Variants in UQCRC2 observed in about 807,000 individuals in gnomAD.
UQCRC2 encodes the protein cytochrome b-c1 complex subunit 2, mitochondrial.
In UQCRC2, 49 loss-of-function variants were observed where a neutral mutation model predicts 55.6. The ratio of observed to expected loss-of-function variants is 0.88; its 90% CI spans 0.70 to 1.12. The LOEUF (loss-of-function observed/expected upper bound fraction) is 1.12, where lower values mean the gene tolerates loss of function less well. Ranked by LOEUF, UQCRC2 falls within the 50% of genes most tolerant of loss-of-function variation. The pLI is 0.00. For missense variants in UQCRC2, 506 were observed against 547.8 expected (o/e 0.92, Z 0.76); for synonymous variants, 193 against 192.0 (o/e 1.01, Z -0.04).
At chr16:21,971,798 T>G (rs988899747) in intron 9 of UQCRC2, 125 bp from the exon 10 acceptor site, 2 of 1,403,674 alleles carry the variant, frequency 1.4e-6, no homozygotes, top group Admixed American at 3.6e-5. Context: ...CAGGATGGCA[T>G]GGGGAAAGCA....
chr16:21,977,628 G>T lies in UQCRC2; in HGVS notation c.1124+1385G>T, dbSNP rs118000330. 6.5e-3 allele frequency among the ~76,000 whole-genome samples: 991 copies of T among 152,308 alleles called. 28 individuals are homozygous for T. Among genetic ancestry groups the T allele is most frequent in the East Asian group, 0.022 (114 of 5,188 alleles). On this transcript the variant is annotated intron_variant, in intron 12 of 13. Transcript: ENST00000268379. ...TTCGAGGGTTTCTCTAAAAGAGACAGACTTGGGACAAAGTTGGAAATCAAC... is the reference window on the plus strand; with the variant it reads ...TTCGAGGGTTTCTCTAAAAGAGACATACTTGGGACAAAGTTGGAAATCAAC...
intron 4 of UQCRC2, among the ~76,000 whole-genome samples, chr16:21,961,626 T>TTA (rs67999727): frequency 0.053 from 3,353 of 63,826 alleles, 212 homozygotes; most frequent in Non-Finnish European, 0.1. Flanking sequence ...AACATAAAAT[T>TTA]TATATATATA....
intron 6 of UQCRC2, among the ~76,000 whole-genome samples, chr16:21,964,161 G>A (rs545154908): frequency 6.6e-6 from 1 of 152,186 alleles, no homozygotes; most frequent in East Asian, 1.9e-4. Flanking sequence ...GATGATGCTT[G>A]GTGTCACAGA....
chr16:21,966,185 C>CAT (rs1898322676), intron 7 of UQCRC2, among the ~76,000 whole-genome samples: 1 of 151,612 alleles, frequency 6.6e-6, no homozygotes, highest in African/African-American at 2.4e-5. Context: ...TGTGTGTATA[C>CAT]ATATATATAA....
chr16:21,961,664 A>ATATATATATG (rs1261737606), intron 4 of UQCRC2, among the ~76,000 whole-genome samples: 68 of 103,972 alleles, frequency 6.5e-4, no homozygotes, highest in Non-Finnish European at 9.6e-4. Context: ...ATATATATAT[A>ATATATATATG]TATATTTTAG....
rs2141941772 is a variant in UQCRC2, at chr16:21,972,127, G to A, written c.966+5G>A. The A allele has an allele frequency of 1.9e-6, 3 of 1,611,282 alleles. No individual in the cohort carries two copies. The highest frequency in any genetic ancestry group is 3.3e-4 in the Middle Eastern group (2 of 6,058). ...GCAACTCAGCAGCCATTTGATGTGA[G>A]TCTGAACAGTTGGTATCTCTCTTTT... is the stretch of plus-strand genomic sequence containing the variant. On this transcript the variant is annotated splice_donor_5th_base_variant and intron_variant, in intron 10 of 13. Coordinates refer to ENST00000268379, the MANE Select transcript of UQCRC2 (RefSeq NM_003366.4).
chr16:21,964,029 G>T (rs1258289345), intron 6 of UQCRC2, among the ~76,000 whole-genome samples: 1 of 152,094 alleles, frequency 6.6e-6, no homozygotes, highest in Non-Finnish European at 1.5e-5. Flanking sequence ...TGACTCTTGG[G>T]AGTCATACAA....
intron 4 of UQCRC2, 99 bp from the exon 5 acceptor site, chr16:21,962,361 A>G: frequency 7.0e-7 from 1 of 1,427,380 alleles, no homozygotes; most frequent in Non-Finnish European, 9.7e-7. Flanking sequence ...TTTATACTTC[A>G]GAAATTTTCT....
chr16:21,954,116 A>G (rs1898054996), intron 1 of UQCRC2, among the ~76,000 whole-genome samples: 1 of 152,160 alleles, frequency 6.6e-6, no homozygotes, highest in Non-Finnish European at 1.5e-5. Flanking sequence ...ACTGTGGGAC[A>G]GTGGTTATTA....
chr16:21,975,894 A>T (rs1341211660), intron 11 of UQCRC2, among the ~76,000 whole-genome samples: 9 of 152,146 alleles, frequency 5.9e-5, no homozygotes, highest in African/African-American at 2.2e-4. Flanking sequence ...CATCTCTACA[A>T]AAAAAGCTAA....
Position 21,962,470 on chromosome 16 carries a change from A to G in UQCRC2, c.343A>G (p.Thr115Ala). The change falls in exon 5 of 14, where the codon ACA (threonine) becomes GCA (alanine). Residue 115 changes from threonine to alanine, a missense_variant. By Grantham distance (58) the Thr-to-Ala change is moderately conservative. Transcript: ENST00000268379. ...AVGGKLSVTA[T>A]RENMAYTVEC... ...TATTTTCCGATTCAGTGTGACCGCA[A>G]CAAGGGAAAACATGGCTTATACTGT... 2 of 1,614,164 alleles carry G rather than the reference A, an allele frequency of 1.2e-6. No homozygotes were observed. Among genetic ancestry groups the G allele is most frequent in the Middle Eastern group, 1.6e-4 (1 of 6,062 alleles).
chr16:21,971,832 G>T, intron 9 of UQCRC2, 91 bp from the exon 10 acceptor site: 1 of 1,566,178 alleles, frequency 6.4e-7, no homozygotes, highest in Non-Finnish European at 8.7e-7. Flanking sequence ...AAGACTCGTG[G>T]GTTAATACTG....
chr16:21,960,631 C>G (rs1898178146), intron 4 of UQCRC2, among the ~76,000 whole-genome samples: 1 of 152,136 alleles, frequency 6.6e-6, no homozygotes, highest in Admixed American at 6.5e-5. Flanking sequence ...GAAGCTTAAT[C>G]CTTTCTAGCT....
At chr16:21,955,945 C>T (rs1898079755) in intron 1 of UQCRC2, among the ~76,000 whole-genome samples, 1 of 152,184 alleles carries the variant, frequency 6.6e-6, no homozygotes, top group African/African-American at 2.4e-5. Flanking sequence ...CCTGCCTCAG[C>T]CTCCCCAGTA....
chr16:21,957,403 T>C lies in UQCRC2; in HGVS notation c.118-14T>C, dbSNP rs1898105275. 1.2e-6 allele frequency: 2 copies of C among 1,613,928 alleles called. No individual in the cohort carries two copies. ...GAAGACATTCATTATATCTCTACTT[T>C]ATTTTAAATACAGTTTACCAAGTTA... On this transcript the variant is annotated splice_polypyrimidine_tract_variant and intron_variant, in intron 2 of 13. Coordinates refer to ENST00000268379, the MANE Select transcript of UQCRC2 (RefSeq NM_003366.4).
At chr16:21,956,208 AT>A (rs1444500052) in intron 1 of UQCRC2, among the ~76,000 whole-genome samples, 1 of 152,172 alleles carries the variant, frequency 6.6e-6, no homozygotes, top group Non-Finnish European at 1.5e-5. Flanking sequence ...GATGACATTC[AT>A]TGGGCAGATA....
At chr16:21,973,494 AAG>A (rs1362330460) in intron 10 of UQCRC2, among the ~76,000 whole-genome samples, 1 of 152,188 alleles carries the variant, frequency 6.6e-6, no homozygotes, top group African/African-American at 2.4e-5. Context: ...ATGAGTGTAT[AAG>A]AGAAATGAAA....
At chr16:21,965,975 C>T (rs1369089190) in intron 7 of UQCRC2, among the ~76,000 whole-genome samples, 1 of 152,086 alleles carries the variant, frequency 6.6e-6, no homozygotes, top group Non-Finnish European at 1.5e-5. Flanking sequence ...TGAGCCATTG[C>T]ACCCAGCCTG....
chr16:21,964,661 A>T (rs1235021087), intron 6 of UQCRC2, among the ~76,000 whole-genome samples: 1 of 152,140 alleles, frequency 6.6e-6, no homozygotes, highest in South Asian at 2.1e-4. Flanking sequence ...TGGATCCCAC[A>T]TATTACTTGT....
Sources: gnomAD v4.1 joint callset for allele counts (sites outside exome capture counted in the v4.1 genomes callset) on GRCh38, gnomAD v4.1.1 for gene constraint, MANE v1.5 for transcripts, NCBI Gene and HGNC (gene_info 2026-07-23, HGNC 2026-07-21) for gene names.